MINDY2: variants seen among roughly 807,000 people sequenced by gnomAD.
MINDY2 encodes MINDY lysine 48 deubiquitinase 2.
Under a neutral mutation model 68.2 loss-of-function variants are expected in MINDY2, and 52 were observed. That is an observed-to-expected ratio of 0.76 (90% CI 0.61 to 0.96). MINDY2 has a LOEUF of 0.96. Ranked by LOEUF, MINDY2 falls within the 40% of genes least tolerant of loss-of-function variation. The probability of loss-of-function intolerance (pLI) is 0.00; values close to 1 mark genes in which losing one functional copy is unlikely to be tolerated. For missense variants in MINDY2, 881 were observed against 773.4 expected (o/e 1.14, Z -1.65); for synonymous variants, 372 against 303.0 (o/e 1.23, Z -2.36).
Position 58,821,814 on chromosome 15 carries a change from G to T in MINDY2, c.1220G>T (p.Ser407Ile). 1 of 1,577,664 alleles carries T rather than the reference G, an allele frequency of 6.3e-7. No homozygotes were observed. ...CAGTCAGACAATAGTGAGCTGGTTA[G>T]TGAAGGTGGGTGAGTGCTGCTATTT... is the stretch of plus-strand genomic sequence containing the variant. ...CKQSDNSELV[S>I]EGFVAEQFLN... The change falls in exon 5 of 9, where the codon AGT becomes ATT. Residue 407 changes from serine (S) to isoleucine (I), a missense_variant. Coordinates refer to ENST00000559228, the MANE Select transcript of MINDY2 (RefSeq NM_001040450.3).
intron 8 of MINDY2, among the ~76,000 whole-genome samples, chr15:58,853,819 T>TAAAAAAAAAAAAAAAAAAAAA (rs10563818): frequency 9.8e-6 from 1 of 102,202 alleles, no homozygotes; most frequent in Non-Finnish European, 1.9e-5. Context: ...TCCATCTCAA[T>TAAAAAAAAAAAAAAAAAAAAA]AAAAAAAAAA....
intron 5 of MINDY2, among the ~76,000 whole-genome samples, chr15:58,830,529 A>G (rs2031654180): frequency 6.6e-6 from 1 of 152,210 alleles, no homozygotes; most frequent in Admixed American, 6.5e-5. Context: ...AAAATCCAAA[A>G]GAATCCACAC....
intron 1 of MINDY2, among the ~76,000 whole-genome samples, chr15:58,787,239 C>A (rs1176259727): frequency 6.7e-6 from 1 of 150,024 alleles, no homozygotes; most frequent in Non-Finnish European, 1.5e-5. Context: ...AGTGATCTGC[C>A]CACCTTGGCC....
chr15:58,852,922 GTTTTTTTTTTTTTTTTT>G (rs746154698), intron 8 of MINDY2, among the ~76,000 whole-genome samples: 10 of 48,964 alleles, frequency 2.0e-4, no homozygotes, highest in Non-Finnish European at 4.0e-5. Flanking sequence ...TGCTGTTCCT[GTTTTTTTTTTTTTTTTT>G]TTTTTTTTTT....
At chr15:58,793,030 A>T (rs1338860460) in intron 2 of MINDY2, among the ~76,000 whole-genome samples, 3 of 152,112 alleles carry the variant, frequency 2.0e-5, no homozygotes, top group African/African-American at 7.2e-5. Context: ...AAAAAACCAG[A>T]ATAGGCACAT....
Position 58,856,398 on chromosome 15 carries a change from T to C in MINDY2, c.*1788T>C, listed in dbSNP as rs1361064683. The C allele has an allele frequency of 1.3e-5, 2 of 152,626 alleles. No homozygotes were observed. Among genetic ancestry groups the C allele is most frequent in the Non-Finnish European group, 2.9e-5 (2 of 68,022 alleles). 9.5% of individuals were successfully genotyped at this position (152,626 alleles called of 1,614,324 possible). On this transcript the variant is annotated 3_prime_UTR_variant, in exon 9 of 9. Coordinates refer to ENST00000559228, the MANE Select transcript of MINDY2 (RefSeq NM_001040450.3). ...GTATGTAAAAATAGAGTCTTATTTA[T>C]GGAAGGAATTATTCTAAGGGAAAAA...
chr15:58,812,098 C>T, intron 4 of MINDY2, among the ~76,000 whole-genome samples: 1 of 152,202 alleles, frequency 6.6e-6, no homozygotes, highest in East Asian at 1.9e-4. Flanking sequence ...ATAAATTAAA[C>T]TTTTTATTTT....
chr15:58,840,523 G>T (rs1372557851), intron 6 of MINDY2, among the ~76,000 whole-genome samples: 1 of 151,682 alleles, frequency 6.6e-6, no homozygotes, highest in Non-Finnish European at 1.5e-5. Context: ...CCTAATTTCT[G>T]CTATCATTTA....
intron 6 of MINDY2, among the ~76,000 whole-genome samples, chr15:58,840,095 A>G (rs1053746454): frequency 2.0e-5 from 3 of 152,114 alleles, no homozygotes; most frequent in African/African-American, 7.2e-5. Context: ...CTGCCTCCCA[A>G]AGTGCTAGGA....
In MINDY2 at chr15:58,808,072, A is replaced by C. The variant is rs372725568; in HGVS notation, c.964-2158A>C. The stretch of plus-strand genomic sequence containing the variant: ...TTCCTTCCATCCTTCCTTCCTTTTC[A>C]GTGCATTCACTGCAAAATTAAGTAT... On this transcript the variant is annotated intron_variant, in intron 3 of 8. Coordinates refer to ENST00000559228, the MANE Select transcript of MINDY2 (RefSeq NM_001040450.3). 3.5e-4 allele frequency among the ~76,000 whole-genome samples: 52 copies of C among 149,396 alleles called. No individual in the cohort carries two copies. The East Asian group carries it at 8.9e-3, about 26-fold the overall frequency.
intron 1 of MINDY2, among the ~76,000 whole-genome samples, chr15:58,776,221 T>C (rs772935337): frequency 6.6e-6 from 1 of 152,174 alleles, no homozygotes; most frequent in Non-Finnish European, 1.5e-5. Context: ...CAGAGAGTAG[T>C]GAGCAATAGT....
rs373879104 is a variant in MINDY2 at position 58,791,112 on chromosome 15, G to A, written c.898+3149G>A. Among the ~76,000 whole-genome samples the A allele has an allele frequency of 3.3e-3, 484 of 148,586 alleles. 2 individuals carry two copies. The highest frequency in any genetic ancestry group is 0.011 in the African/African-American group (462 of 40,666). ...GGAGAATGGCTTGAACCCAGGCGGC[G>A]GAGGTTGCAGTGAGCCGAGATCACG... On this transcript the variant is annotated intron_variant, in intron 2 of 8. Coordinates refer to ENST00000559228, the MANE Select transcript of MINDY2 (RefSeq NM_001040450.3).
chr15:58,811,022 G>A (rs1199584247), intron 4 of MINDY2, among the ~76,000 whole-genome samples: 1 of 152,162 alleles, frequency 6.6e-6, no homozygotes, highest in African/African-American at 2.4e-5. Context: ...TCCCTCCCTG[G>A]AAGCTGAGCT....
At chr15:58,805,029 A>G (rs1360343757) in intron 3 of MINDY2, among the ~76,000 whole-genome samples, 3 of 152,174 alleles carry the variant, frequency 2.0e-5, no homozygotes, top group Admixed American at 1.3e-4. Flanking sequence ...GTTTAAGTCC[A>G]TCTTGCATTG....
intron 5 of MINDY2, among the ~76,000 whole-genome samples, chr15:58,829,007 T>A (rs1161769086): frequency 1.3e-5 from 2 of 152,208 alleles, no homozygotes; most frequent in Non-Finnish European, 2.9e-5. Context: ...AAATTGAGAT[T>A]TAATGTGAAT....
chr15:58,853,916 C>T (rs1157997849), intron 8 of MINDY2, among the ~76,000 whole-genome samples: 1 of 149,492 alleles, frequency 6.7e-6, no homozygotes, highest in East Asian at 2.0e-4. Context: ...CTTTCCTTAA[C>T]ATTTTCTAAA....
chr15:58,818,457 T>C (rs1013906420), intron 4 of MINDY2, among the ~76,000 whole-genome samples: 1 of 152,006 alleles, frequency 6.6e-6, no homozygotes, highest in Non-Finnish European at 1.5e-5. Context: ...GGCCTTGTTA[T>C]GTTGCCTAGG....
chr15:58,786,454 A>T (rs1176186568), intron 1 of MINDY2, among the ~76,000 whole-genome samples: 1 of 152,210 alleles, frequency 6.6e-6, no homozygotes, highest in Non-Finnish European at 1.5e-5. Context: ...ACAATCATTG[A>T]CTGTAATATC....
intron 2 of MINDY2, among the ~76,000 whole-genome samples, chr15:58,790,385 G>A (rs1431838464): frequency 3.3e-5 from 5 of 152,152 alleles, no homozygotes; most frequent in African/African-American, 1.2e-4. Context: ...CTGTCAAGGA[G>A]TACACAAAGG....
Sources: allele counts gnomAD v4.1 joint callset (sites outside exome capture counted in the v4.1 genomes callset), GRCh38; gene constraint gnomAD v4.1.1; transcripts MANE v1.5; gene names NCBI Gene and HGNC (gene_info 2026-07-23, HGNC 2026-07-21).